Variants in CPED1 observed in about 807,000 individuals in gnomAD.
The protein encoded by CPED1 is cadherin like and PC-esterase domain containing 1, also known as cadherin-like and PC-esterase domain-containing protein 1.
CPED1 carries 114 observed loss-of-function variants against 128.2 expected under a neutral mutation model. The observed-to-expected ratio is 0.89, with a 90% CI of 0.76 to 1.04. The LOEUF (loss-of-function observed/expected upper bound fraction) is 1.04. CPED1 is among the 50% of genes least tolerant of loss of function. The probability of loss-of-function intolerance (pLI) is 0.00; values close to 1 mark genes in which losing one functional copy is unlikely to be tolerated. For missense variants in CPED1, 1,211 were observed against 1,207.1 expected (o/e 1.00, Z -0.05); for synonymous variants, 462 against 426.7 (o/e 1.08, Z -1.02).
At chr7:121,233,564 C>T (rs553001646) in intron 16 of CPED1, among the ~76,000 whole-genome samples, 1 of 152,104 alleles carries the variant, frequency 6.6e-6, no homozygotes, top group East Asian at 1.9e-4. Context: ...AACAACAATA[C>T]TGTTGTTTAT....
In CPED1 at chr7:121,269,402, T is replaced by C. The variant is rs113530144; in HGVS notation, c.2722-1882T>C. ...TTTTCTTTATCTCATCCACTTTTGATGAGTACCTAGGTTGGTTCTATGTCT... is the reference window on the plus strand; with the variant it reads ...TTTTCTTTATCTCATCCACTTTTGACGAGTACCTAGGTTGGTTCTATGTCT... On this transcript the variant is annotated intron_variant, in intron 21 of 22. Coordinates refer to ENST00000310396, the MANE Select transcript of CPED1 (RefSeq NM_024913.5). 9.6e-3 allele frequency among the ~76,000 whole-genome samples: 1,461 copies of C among 152,224 alleles called. 19 individuals carry two copies. Among genetic ancestry groups the C allele is most frequent in the African/African-American group, 0.034 (1,401 of 41,560 alleles).
intron 4 of CPED1, chr7:121,063,002 T>C (rs1448591647): frequency 6.6e-6 from 1 of 152,206 alleles, no homozygotes; most frequent in African/African-American, 2.4e-5. Context: ...CTCGCGTATG[T>C]CTTCAGCAGC....
intron 3 of CPED1, among the ~76,000 whole-genome samples, chr7:121,026,719 G>T (rs1435296542): frequency 6.6e-6 from 1 of 150,940 alleles, no homozygotes; most frequent in Non-Finnish European, 1.5e-5. Flanking sequence ...GGCTAGGGAG[G>T]ATAACCATAG....
At chr7:121,006,494 G>A (rs1174813986) in intron 2 of CPED1, among the ~76,000 whole-genome samples, 3 of 152,044 alleles carry the variant, frequency 2.0e-5, no homozygotes, top group Non-Finnish European at 4.4e-5. Context: ...ACAGGACAGG[G>A]ATAGGGGAAG....
At chr7:121,006,407 A>G (rs1792017270) in intron 2 of CPED1, among the ~76,000 whole-genome samples, 1 of 152,154 alleles carries the variant, frequency 6.6e-6, no homozygotes, top group South Asian at 2.1e-4. Context: ...TAACACCAGC[A>G]AAAGCAATCA....
intron 16 of CPED1, among the ~76,000 whole-genome samples, chr7:121,179,693 T>A (rs1363001801): frequency 6.6e-6 from 1 of 152,118 alleles, no homozygotes; most frequent in Non-Finnish European, 1.5e-5. Flanking sequence ...GGTAATGACT[T>A]ATAAACCCAA....
At chr7:121,106,289 TA>T (rs1794974607) in intron 7 of CPED1, among the ~76,000 whole-genome samples, 1 of 152,050 alleles carries the variant, frequency 6.6e-6, no homozygotes, top group Admixed American at 6.6e-5. Flanking sequence ...TATAATTAAC[TA>T]ACATAATGCT....
At chr7:121,071,289 A>C (rs956193331) in intron 5 of CPED1, among the ~76,000 whole-genome samples, 1 of 152,218 alleles carries the variant, frequency 6.6e-6, no homozygotes, top group African/African-American at 2.4e-5. Context: ...GATCCCATCC[A>C]GTGGTCTAGT....
chr7:121,165,451 A>G (rs1426190455), intron 16 of CPED1, among the ~76,000 whole-genome samples: 14 of 152,196 alleles, frequency 9.2e-5, no homozygotes, highest in Non-Finnish European at 1.8e-4. Flanking sequence ...TAAGGACACA[A>G]TTTTGTATGA....
intron 16 of CPED1, among the ~76,000 whole-genome samples, chr7:121,189,760 T>TATATA (rs1797086934): frequency 4.2e-5 from 2 of 47,468 alleles, no homozygotes; most frequent in Admixed American, 3.2e-4. Flanking sequence ...TTATGAGGTT[T>TATATA]TATATATATA....
In CPED1 at chr7:121,137,536, T is replaced by G. The variant is rs894684878; in HGVS notation, c.1699+1446T>G. Among the ~76,000 whole-genome samples the G allele has an allele frequency of 1.5e-4, 23 of 152,186 alleles. No homozygotes were observed. The East Asian group carries it at 4.4e-3, about 29-fold the overall frequency. On this transcript the variant is annotated intron_variant, in intron 14 of 22. Transcript: ENST00000310396. ...TCTAATTTTCATCTAAAATGCAATT[T>G]AATTCATTCATGATGTTTTATCACT...
intron 5 of CPED1, among the ~76,000 whole-genome samples, chr7:121,086,803 G>C (rs1228031038): frequency 6.6e-6 from 1 of 152,184 alleles, no homozygotes. Context: ...ATGAACTTTT[G>C]CCACTTTTCA....
chr7:121,032,292 G>GTGA (rs1212162669), intron 3 of CPED1, among the ~76,000 whole-genome samples: 3 of 152,102 alleles, frequency 2.0e-5, no homozygotes, highest in African/African-American at 7.2e-5. Context: ...AACAATTAGA[G>GTGA]ATAAAAACAG....
At chr7:121,040,901 T>C (rs1793032888) in intron 3 of CPED1, among the ~76,000 whole-genome samples, 1 of 152,046 alleles carries the variant, frequency 6.6e-6, no homozygotes, top group African/African-American at 2.4e-5. Context: ...GGACATGTTT[T>C]TTTCCAAACT....
At chr7:121,003,486 G>C (rs1329131346) in intron 2 of CPED1, among the ~76,000 whole-genome samples, 1 of 152,206 alleles carries the variant, frequency 6.6e-6, no homozygotes, top group Non-Finnish European at 1.5e-5. Flanking sequence ...CTTTAGGAAA[G>C]AGTGCTTATA....
chr7:121,294,729 C>T (rs991144986), intron 22 of CPED1, among the ~76,000 whole-genome samples: 10 of 151,182 alleles, frequency 6.6e-5, no homozygotes, highest in African/African-American at 2.2e-4. Flanking sequence ...ATCTTACAGA[C>T]CTTCCTGGGA....
intron 16 of CPED1, among the ~76,000 whole-genome samples, chr7:121,220,864 CTTTA>C (rs946721332): frequency 2.1e-4 from 32 of 152,100 alleles, no homozygotes; most frequent in African/African-American, 7.5e-4. Flanking sequence ...TATACTAACA[CTTTA>C]TTTTACTTAA....
At chr7:121,293,996 C>A (rs1465312878) in intron 22 of CPED1, among the ~76,000 whole-genome samples, 2 of 152,078 alleles carry the variant, frequency 1.3e-5, no homozygotes, top group African/African-American at 4.8e-5. Context: ...TATAAAGACA[C>A]CCAAAACATC....
At chr7:121,212,023 C>G (rs764698352) in intron 16 of CPED1, among the ~76,000 whole-genome samples, 9 of 151,962 alleles carry the variant, frequency 5.9e-5, no homozygotes, top group Non-Finnish European at 1.2e-4. Flanking sequence ...TTAAGGCAGA[C>G]AACCCCTAAT....
Sources: gnomAD v4.1 joint callset for allele counts (sites outside exome capture counted in the v4.1 genomes callset) on GRCh38, gnomAD v4.1.1 for gene constraint, MANE v1.5 for transcripts, NCBI Gene and HGNC (gene_info 2026-07-23, HGNC 2026-07-21) for gene names.